TAFA5: variants seen among roughly 807,000 people sequenced by gnomAD.
The protein encoded by TAFA5 is TAFA chemokine like family member 5, also known as chemokine-like protein TAFA-5.
Under a neutral mutation model 15.3 loss-of-function variants are expected in TAFA5, and 6 were observed. That is an observed-to-expected ratio of 0.39 (90% CI 0.21 to 0.77). The LOEUF (loss-of-function observed/expected upper bound fraction) is 0.77. TAFA5 is among the 30% of genes least tolerant of loss of function. The pLI is 0.41. For synonymous variants in TAFA5, 103 were observed against 80.7 expected (o/e 1.28, Z -1.48); for missense variants, 161 against 193.1 (o/e 0.83, Z 0.98).
chr22:48,639,786 C>T (rs939944365), intron 1 of TAFA5, among the ~76,000 whole-genome samples: 5 of 152,162 alleles, frequency 3.3e-5, no homozygotes, highest in Admixed American at 3.3e-4. Flanking sequence ...CCTGTACCCA[C>T]CTCTACTCAG....
intron 2 of TAFA5, among the ~76,000 whole-genome samples, chr22:48,696,408 C>T (rs1278455851): frequency 1.3e-5 from 2 of 152,212 alleles, no homozygotes; most frequent in African/African-American, 4.8e-5. Context: ...ATCCTTCCCT[C>T]CTTTCCTCCC....
intron 1 of TAFA5, among the ~76,000 whole-genome samples, chr22:48,513,210 C>G (rs926560635): frequency 6.6e-6 from 1 of 152,228 alleles, no homozygotes; most frequent in Non-Finnish European, 1.5e-5. Flanking sequence ...AGTCCTCACT[C>G]CGCATTGGTG....
chr22:48,494,054 T>C (rs1214714277), intron 1 of TAFA5, among the ~76,000 whole-genome samples: 1 of 152,208 alleles, frequency 6.6e-6, no homozygotes, highest in East Asian at 1.9e-4. Flanking sequence ...CTCCACCTGA[T>C]GGGTCTCTTC....
At chr22:48,703,764 C>T (rs1415789746) in intron 2 of TAFA5, among the ~76,000 whole-genome samples, 1 of 152,270 alleles carries the variant, frequency 6.6e-6, no homozygotes, top group Non-Finnish European at 1.5e-5. Flanking sequence ...CACCCTCTCA[C>T]AGCCTGCCCT....
intron 2 of TAFA5, among the ~76,000 whole-genome samples, chr22:48,703,720 TAGTGA>T (rs1476059030): frequency 6.6e-6 from 1 of 152,182 alleles, no homozygotes; most frequent in African/African-American, 2.4e-5. Context: ...CTGAGCTCGG[TAGTGA>T]AGGATTTGGG....
At chr22:48,615,270 G>A (rs963668909) in intron 1 of TAFA5, among the ~76,000 whole-genome samples, 4 of 152,188 alleles carry the variant, frequency 2.6e-5, no homozygotes, top group Non-Finnish European at 4.4e-5. Flanking sequence ...TGTGCCAGCA[G>A]AACTGATGAA....
intron 1 of TAFA5, among the ~76,000 whole-genome samples, chr22:48,610,436 A>G (rs1925358295): frequency 6.6e-6 from 1 of 152,236 alleles, no homozygotes; most frequent in Admixed American, 6.5e-5. Context: ...CGAAAGGTAC[A>G]CTGAGGAAGC....
At chr22:48,521,267 C>T (rs570658043) in intron 1 of TAFA5, among the ~76,000 whole-genome samples, 2 of 152,222 alleles carry the variant, frequency 1.3e-5, no homozygotes, top group East Asian at 3.9e-4. Context: ...TTCCAGGAAC[C>T]CCTCTTCCCG....
At chr22:48,611,672 T>C (rs557860511) in intron 1 of TAFA5, among the ~76,000 whole-genome samples, 3 of 152,276 alleles carry the variant, frequency 2.0e-5, no homozygotes, top group African/African-American at 7.2e-5. Context: ...CTGGCCTTTC[T>C]TGCCTCTCCT....
chr22:48,705,344 C>A (rs1929045835), intron 2 of TAFA5, among the ~76,000 whole-genome samples: 1 of 152,212 alleles, frequency 6.6e-6, no homozygotes, highest in Non-Finnish European at 1.5e-5. Flanking sequence ...CTCCTCTCCA[C>A]TGCAGTCATG....
At chr22:48,687,864 G>A (rs189071237) in intron 2 of TAFA5, among the ~76,000 whole-genome samples, 20 of 152,296 alleles carry the variant, frequency 1.3e-4, no homozygotes, top group East Asian at 3.9e-4. Flanking sequence ...AGCACTTAGC[G>A]CCTGGGACCT....
intron 2 of TAFA5, among the ~76,000 whole-genome samples, chr22:48,698,763 G>A (rs1242829056): frequency 2.7e-5 from 4 of 150,576 alleles, no homozygotes; most frequent in Non-Finnish European, 5.9e-5. Context: ...CCGCAGCCTC[G>A]GGGTGCAGCC....
chr22:48,621,946 T>C (rs565477993), intron 1 of TAFA5, among the ~76,000 whole-genome samples: 13 of 152,078 alleles, frequency 8.5e-5, no homozygotes, highest in African/African-American at 3.1e-4. Context: ...TGTTTCTGTT[T>C]TCCTAGATGA....
At chr22:48,728,241 C>T (rs924300268) in intron 3 of TAFA5, among the ~76,000 whole-genome samples, 3 of 152,162 alleles carry the variant, frequency 2.0e-5, no homozygotes, top group African/African-American at 7.2e-5. Flanking sequence ...AGTGAGAATA[C>T]ACTGTATTTA....
intron 1 of TAFA5, among the ~76,000 whole-genome samples, chr22:48,576,834 C>T (rs1923827994): frequency 6.6e-6 from 1 of 151,850 alleles, no homozygotes; most frequent in African/African-American, 2.4e-5. Context: ...CCTCTGGCGC[C>T]GCCCCGGATC....
chr22:48,694,661 A>C (rs1015205750), intron 2 of TAFA5, among the ~76,000 whole-genome samples: 3 of 151,932 alleles, frequency 2.0e-5, no homozygotes, highest in Non-Finnish European at 4.4e-5. Context: ...GCAGTGCCTC[A>C]TCTGATGTTC....
chr22:48,624,566 G>A (rs942433696), intron 1 of TAFA5, among the ~76,000 whole-genome samples: 21 of 152,144 alleles, frequency 1.4e-4, no homozygotes, highest in Non-Finnish European at 2.6e-4. Context: ...TTTAGGCTGC[G>A]ATCCAGGGCT....
intron 1 of TAFA5, among the ~76,000 whole-genome samples, chr22:48,510,631 G>A (rs1360158764): frequency 6.6e-6 from 1 of 152,256 alleles, no homozygotes; most frequent in African/African-American, 2.4e-5. Context: ...GAACCTGGCT[G>A]TGTCATTGAG....
At chr22:48,704,696 C>T (rs114233821) in intron 2 of TAFA5, among the ~76,000 whole-genome samples, 2,165 of 151,682 alleles carry the variant, frequency 0.014, 56 homozygotes, top group African/African-American at 0.049. Context: ...GACACTGATT[C>T]TCAGCTGGAG....
Sources: allele counts gnomAD v4.1 joint callset (sites outside exome capture counted in the v4.1 genomes callset), GRCh38; gene constraint gnomAD v4.1.1; transcripts MANE v1.5; gene names NCBI Gene and HGNC (gene_info 2026-07-23, HGNC 2026-07-21).